MEGF11: variants seen among roughly 807,000 people sequenced by gnomAD.
MEGF11 encodes the protein multiple epidermal growth factor-like domains protein 11.
In MEGF11, 126 loss-of-function variants were observed where a neutral mutation model predicts 146.6. The observed-to-expected ratio is 0.86, with a 90% CI of 0.74 to 1.00. The LOEUF (loss-of-function observed/expected upper bound fraction) is 1.00, where lower values mean the gene tolerates loss of function less well. Among genes scored for constraint, MEGF11 ranks in the 50% least tolerant of loss-of-function variants. The pLI, the probability that MEGF11 is intolerant of heterozygous loss-of-function variation, is 0.00. For synonymous variants in MEGF11, 532 were observed against 583.4 expected (o/e 0.91, Z 1.27); for missense variants, 1,509 against 1,521.2 (o/e 0.99, Z 0.13).
chr15:66,089,503 A>G (rs953436284), intron 5 of MEGF11, among the ~76,000 whole-genome samples: 5 of 152,332 alleles, frequency 3.3e-5, no homozygotes, highest in Admixed American at 3.3e-4. Context: ...CCAAAATGCC[A>G]TTCTGTAGCC....
At chr15:66,067,508 C>G (rs1297661922) in intron 5 of MEGF11, among the ~76,000 whole-genome samples, 8 of 152,208 alleles carry the variant, frequency 5.3e-5, no homozygotes. Flanking sequence ...GGACCAGAAT[C>G]CAGCTCTCCT....
At chr15:65,911,433 G>A (rs764719390) in intron 21 of MEGF11, among the ~76,000 whole-genome samples, 2 of 152,182 alleles carry the variant, frequency 1.3e-5, no homozygotes, top group African/African-American at 2.4e-5. Context: ...TGTTTTTTGA[G>A]GTGGAGTCTT....
intron 4 of MEGF11, among the ~76,000 whole-genome samples, chr15:66,113,750 G>A (rs899306777): frequency 3.3e-5 from 5 of 152,066 alleles, no homozygotes; most frequent in African/African-American, 1.2e-4. Context: ...GTGCGGTGTC[G>A]GGCGCCTGTA....
chr15:66,116,119 T>C (rs961580135), intron 4 of MEGF11, among the ~76,000 whole-genome samples: 1 of 152,088 alleles, frequency 6.6e-6, no homozygotes, highest in African/African-American at 2.4e-5. Context: ...CTGATGGGGT[T>C]CCCTCTCCCA....
chr15:66,042,688 T>C (rs139373242), intron 5 of MEGF11, among the ~76,000 whole-genome samples: 2,262 of 152,292 alleles, frequency 0.015, 28 homozygotes, highest in Non-Finnish European at 0.025. Flanking sequence ...CAGTCCCTCC[T>C]CGCCCCTCCC....
chr15:66,055,141 G>A (rs1355405150), intron 5 of MEGF11, among the ~76,000 whole-genome samples: 2 of 152,182 alleles, frequency 1.3e-5, no homozygotes, highest in Admixed American at 1.3e-4. Context: ...ACCGGCAAGT[G>A]CTCACTGCCC....
intron 4 of MEGF11, among the ~76,000 whole-genome samples, chr15:66,115,765 C>T (rs1001050818): frequency 1.3e-5 from 2 of 152,174 alleles, no homozygotes; most frequent in African/African-American, 4.8e-5. Flanking sequence ...GACGTGTGTG[C>T]TCATAACAAG....
At chr15:66,046,613 G>A (rs76902774) in intron 5 of MEGF11, among the ~76,000 whole-genome samples, 64 of 152,298 alleles carry the variant, frequency 4.2e-4, no homozygotes, top group East Asian at 3.7e-3. Flanking sequence ...GCTGAGTGCC[G>A]GGGCCAAGGG....
Position 66,130,135 on chromosome 15 carries a change from C to G in MEGF11, c.-8-1724G>C, listed in dbSNP as rs369414451. 9.2e-5 allele frequency among the ~76,000 whole-genome samples: 14 copies of G among 152,252 alleles called. 1 individual carries two copies. In the East Asian group the frequency reaches 2.5e-3, roughly 27 times the overall value. Reference sequence around the variant, plus strand: ...ATGCCAGGGCTGCAGAGGAGCTCAGCGATCATTTCAATCCATTCTCCTCTG... The same window carrying G: ...ATGCCAGGGCTGCAGAGGAGCTCAGGGATCATTTCAATCCATTCTCCTCTG... On this transcript the variant is annotated intron_variant, in intron 1 of 25. Coordinates refer to ENST00000395614, the MANE Select transcript of MEGF11 (RefSeq NM_001385028.1).
At chr15:65,909,964 A>C in intron 21 of MEGF11, 158 bp from the exon 22 acceptor site, 1 of 711,368 alleles carries the variant, frequency 1.4e-6, no homozygotes, top group Non-Finnish European at 2.5e-6. Context: ...GTTCCATGAC[A>C]GGCCACCATG....
chr15:65,989,879 G>A (rs1395711094), intron 5 of MEGF11, among the ~76,000 whole-genome samples: 3 of 152,204 alleles, frequency 2.0e-5, no homozygotes, highest in African/African-American at 7.2e-5. Context: ...AATAATCCCA[G>A]GGACAATTGT....
intron 5 of MEGF11, among the ~76,000 whole-genome samples, chr15:66,009,454 C>T (rs1029309066): frequency 2.6e-5 from 4 of 151,948 alleles, no homozygotes; most frequent in African/African-American, 9.7e-5. Flanking sequence ...TGACTCAAGA[C>T]TTTATTTTCC....
Position 66,153,356 on chromosome 15 carries a change from C to G in MEGF11, c.-8-24945G>C, listed in dbSNP as rs766006507. 3.3e-5 allele frequency among the ~76,000 whole-genome samples: 5 copies of G among 152,096 alleles called. No homozygotes were observed. In the East Asian group the frequency reaches 9.7e-4, roughly 29 times the overall value. On this transcript the variant is annotated intron_variant, in intron 1 of 25. Transcript: ENST00000395614. ...TTGGGAGGCCGAGGTGAGAGGATCA[C>G]GAGGTCAGGAGATCAAGACCATCCT...
intron 10 of MEGF11, among the ~76,000 whole-genome samples, chr15:65,940,659 A>G (rs1357617376): frequency 6.6e-6 from 1 of 152,274 alleles, no homozygotes; most frequent in African/African-American, 2.4e-5. Context: ...AGAGAGCCAC[A>G]GGGATGAGAA....
chr15:66,186,914 T>C (rs1351030), intron 1 of MEGF11, among the ~76,000 whole-genome samples: 93,764 of 152,116 alleles, frequency 0.62, 30,783 homozygotes, highest in African/African-American at 0.84. Context: ...GAGGCAGCAC[T>C]GGCTTTGAAG....
chr15:66,150,413 G>A (rs2089519397), intron 1 of MEGF11, among the ~76,000 whole-genome samples: 1 of 152,152 alleles, frequency 6.6e-6, no homozygotes, highest in Non-Finnish European at 1.5e-5. Flanking sequence ...ACCGGAGAAA[G>A]GGAACTACTC....
intron 7 of MEGF11, among the ~76,000 whole-genome samples, chr15:65,979,039 G>C (rs550786228): frequency 1.3e-5 from 2 of 151,996 alleles, no homozygotes. Context: ...GGAGAGGTGG[G>C]GGTGGGGTGG....
At chr15:65,966,177 C>A (rs1216433469) in intron 8 of MEGF11, among the ~76,000 whole-genome samples, 1 of 152,110 alleles carries the variant, frequency 6.6e-6, no homozygotes, top group Non-Finnish European at 1.5e-5. Flanking sequence ...TGTATTTTTA[C>A]TAGAGACGGG....
At position 65,922,331 on chromosome 15, in the gene MEGF11, A is replaced by G; in HGVS notation, c.1957+7T>C. ...CCCACCCAGTACCTTCCCACTGGAG[A>G]CAGTACCTTGGTTGCAGAGAGCTCC... On this transcript the variant is annotated splice_region_variant and intron_variant, in intron 15 of 25. Transcript: ENST00000395614. 6.2e-7 allele frequency: 1 copy of G among 1,607,208 alleles called. No individual in the cohort carries two copies. Among genetic ancestry groups the G allele is most frequent in the Non-Finnish European group, 8.5e-7 (1 of 1,177,100 alleles).
Sources: allele counts gnomAD v4.1 joint callset (sites outside exome capture counted in the v4.1 genomes callset), GRCh38; gene constraint gnomAD v4.1.1; transcripts MANE v1.5; gene names NCBI Gene and HGNC (gene_info 2026-07-23, HGNC 2026-07-21).